VSX1: variants seen among roughly 807,000 people sequenced by gnomAD.
The protein encoded by VSX1 is homeodomain protein RINX.
Under a neutral mutation model 23.6 loss-of-function variants are expected in VSX1, and 23 were observed. The observed-to-expected ratio is 0.97, with a 90% CI of 0.70 to 1.38. The LOEUF (loss-of-function observed/expected upper bound fraction) is 1.38, where lower values mean the gene tolerates loss of function less well. Among genes scored for constraint, VSX1 ranks in the 40% most tolerant of loss-of-function variants. The pLI is 0.00. For missense variants in VSX1, 517 were observed against 495.4 expected (o/e 1.04, Z -0.41); for synonymous variants, 247 against 215.1 (o/e 1.15, Z -1.30).
chr20:25,081,359 G>A (rs1050175999), intron 1 of VSX1: 2 of 645,184 alleles, frequency 3.1e-6, no homozygotes, highest in African/African-American at 1.8e-5. Flanking sequence ...GCGCTGGGGG[G>A]AAAAATGGCC....
At chr20:25,079,061 G>T (rs1334367997) in intron 2 of VSX1, 109 bp from the exon 3 acceptor site, 5 of 1,313,774 alleles carry the variant, frequency 3.8e-6, no homozygotes, top group Non-Finnish European at 5.4e-6. Flanking sequence ...GACCCTAGAA[G>T]CCACTTCATG....
chr20:25,078,592 A>C, intron 3 of VSX1: 1 of 1,418,980 alleles, frequency 7.0e-7, no homozygotes, highest in Non-Finnish European at 9.2e-7. Context: ...TTCTAGTTGC[A>C]GCACACATTA....
intron 4 of VSX1, among the ~76,000 whole-genome samples, chr20:25,077,318 C>T (rs1460055395): frequency 2.0e-5 from 3 of 152,350 alleles, no homozygotes; most frequent in East Asian, 3.9e-4. Flanking sequence ...CGCTGCTCAG[C>T]ACTGCCCTGT....
At chr20:25,073,061 T>A (rs757104816), downstream of VSX1, among the ~76,000 whole-genome samples, 1 of 152,168 alleles carries the variant, frequency 6.6e-6, no homozygotes, top group Non-Finnish European at 1.5e-5. Flanking sequence ...GGACCACGTG[T>A]AAAATCCTGC....
chr20:25,078,562 C>G, intron 3 of VSX1: 4 of 1,087,896 alleles, frequency 3.7e-6, no homozygotes, highest in African/African-American at 2.0e-5. Flanking sequence ...TTTTTTTTTT[C>G]ATTGACATAT....
chr20:25,074,073 T>C (rs2122847429), downstream of VSX1, among the ~76,000 whole-genome samples: 1 of 152,376 alleles, frequency 6.6e-6, no homozygotes. Flanking sequence ...ATAAACTTTC[T>C]CGTTTGATTT....
intron 4 of VSX1, 77 bp from the exon 5 acceptor site, chr20:25,076,627 T>C (rs1230916498): frequency 2.0e-6 from 3 of 1,478,506 alleles, no homozygotes; most frequent in Non-Finnish European, 2.7e-6. Context: ...TTCCTTCTTA[T>C]TGTTCTCTAA....
At chr20:25,071,113 T>C (rs1220667919), downstream of VSX1, 1 of 454,120 alleles carries the variant, frequency 2.2e-6, no homozygotes, top group Admixed American at 2.3e-5. Context: ...CGACCACAGC[T>C]GGTGACTTAG....
At chr20:25,074,751 T>A (rs2089450411), downstream of VSX1, among the ~76,000 whole-genome samples, 1 of 152,120 alleles carries the variant, frequency 6.6e-6, no homozygotes. Flanking sequence ...CCAAACTCAA[T>A]CCTGGATAAG....
rs532918699 is a variant in VSX1, at chr20:25,077,777, C to G, written c.716G>C (p.Gly239Ala). ...SSVMAEYGLYGAMVRHCIPLP... is the reference protein window; with the variant it reads ...SSVMAEYGLYAAMVRHCIPLP... ...CGGGATGCAGTGGCGCACCATGGCCCCGTACAGCCCGTACTCGGCCATCAC... is the reference window on the plus strand; with the variant it reads ...CGGGATGCAGTGGCGCACCATGGCCGCGTACAGCCCGTACTCGGCCATCAC... The change falls in exon 4 of 5, where the codon GGG (glycine) becomes GCG (alanine). Residue 239 changes from glycine (G) to alanine (A), a missense_variant. Physicochemically the swap from Gly to Ala is moderately conservative, Grantham distance 60. Coordinates refer to ENST00000376709, the MANE Select transcript of VSX1 (RefSeq NM_014588.6). The G allele has an allele frequency of 1.5e-5, 23 of 1,550,872 alleles. No homozygotes were observed. The South Asian group carries it at 2.5e-4, about 17-fold the overall frequency.
chr20:25,077,760 A>T lies in VSX1; in HGVS notation c.733T>A (p.Cys245Ser). The T allele has an allele frequency of 6.4e-7, 1 of 1,550,858 alleles. No homozygotes were observed. Among genetic ancestry groups the T allele is most frequent in the Non-Finnish European group, 8.7e-7 (1 of 1,146,948 alleles). The change falls in exon 4 of 5, where the codon TGC (cysteine) becomes AGC (serine). Residue 245 changes from cysteine to serine, a missense_variant. Transcript: ENST00000376709. ...YGLYGAMVRHCIPLPDSVLNS... is the reference protein window; with the variant it reads ...YGLYGAMVRHSIPLPDSVLNS... ...AGCACGGAGTCTGGCAGCGGGATGCAGTGGCGCACCATGGCCCCGTACAGC... is the reference window on the plus strand; with the variant it reads ...AGCACGGAGTCTGGCAGCGGGATGCTGTGGCGCACCATGGCCCCGTACAGC...
chr20:25,079,690 C>T (rs1051622743), intron 1 of VSX1, among the ~76,000 whole-genome samples, 176 bp from the exon 2 acceptor site: 2 of 151,008 alleles, frequency 1.3e-5, no homozygotes, highest in Non-Finnish European at 2.9e-5. Context: ...ACTGTCCATA[C>T]ATTATCTCAA....
intron 3 of VSX1, 150 bp downstream of exon 3, chr20:25,078,679 T>G (rs1193743783): frequency 6.2e-7 from 1 of 1,603,986 alleles, no homozygotes; most frequent in Non-Finnish European, 8.5e-7. Context: ...AGGGGCAAGC[T>G]CTTGTGGTGC....
intron 3 of VSX1, chr20:25,078,088 A>G: frequency 1.6e-6 from 1 of 608,466 alleles, no homozygotes; most frequent in Non-Finnish European, 2.9e-6. Flanking sequence ...CGGGCATTCA[A>G]CGCAGTAGGG....
In VSX1 at chr20:25,081,999, A is replaced by G. The variant is rs1600391229; in HGVS notation, c.98T>C (p.Ile33Thr). ...GGCCTCCAAGCCCAGCAGGTCCGTG[A>G]TGGCGAAGCCCCGGGGGCGCGAGCC... ...PRGSRPRGFA[I>T]TDLLGLEAEL... is the part of the protein sequence containing the mutation. Residue 33 changes from isoleucine to threonine, a missense_variant, in exon 1 of 5, where the codon ATC becomes ACC. Ile to Thr is a moderately conservative substitution (Grantham distance 89, BLOSUM62 -1). Coordinates refer to ENST00000376709, the MANE Select transcript of VSX1 (RefSeq NM_014588.6). The G allele has an allele frequency of 6.5e-7, 1 of 1,534,422 alleles. No individual in the cohort carries two copies. The highest frequency in any genetic ancestry group is 2.4e-5 in the East Asian group (1 of 41,040).
At chr20:25,081,217 C>G (rs1015906133) in intron 1 of VSX1, among the ~76,000 whole-genome samples, 5 of 147,128 alleles carry the variant, frequency 3.4e-5, no homozygotes, top group African/African-American at 1.2e-4. Context: ...CCGTACTCTT[C>G]CAGGACCCGT....
intron 2 of VSX1, 140 bp downstream of exon 2, chr20:25,079,296 T>G: frequency 1.2e-6 from 1 of 813,750 alleles, no homozygotes; most frequent in Non-Finnish European, 1.9e-6. Flanking sequence ...CCCAAATGGC[T>G]TCTGTGCCCT....
intron 1 of VSX1, 42 bp downstream of exon 1, chr20:25,081,631 C>T: frequency 6.5e-7 from 1 of 1,535,684 alleles, no homozygotes; most frequent in East Asian, 2.4e-5. Flanking sequence ...GGCTCAGAGC[C>T]TAGGGGACAG....
downstream of VSX1, chr20:25,071,839 GAA>G (rs2089385479): frequency 5.6e-6 from 4 of 714,448 alleles, no homozygotes; most frequent in Non-Finnish European, 1.0e-5. Context: ...GATGACACAG[GAA>G]AATCGGCATG....
Sources: allele counts gnomAD v4.1 joint callset (sites outside exome capture counted in the v4.1 genomes callset), GRCh38; gene constraint gnomAD v4.1.1; transcripts MANE v1.5; gene names NCBI Gene and HGNC (gene_info 2026-07-23, HGNC 2026-07-21).